Variants in MYO5B observed in about 807,000 individuals in gnomAD.
MYO5B encodes myosin VB, also known as unconventional myosin-Vb.
A neutral mutation model predicts 229.3 loss-of-function variants in MYO5B; 143 were observed. That is an observed-to-expected ratio of 0.62 (90% CI 0.54 to 0.72). MYO5B has a LOEUF of 0.72. Ranked by LOEUF, MYO5B falls within the 30% of genes least tolerant of loss-of-function variation. MYO5B has a pLI of 0.00. For synonymous variants in MYO5B, 918 were observed against 885.2 expected, an observed-to-expected ratio of 1.04 and a Z score of -0.66; for missense variants, 2,321 against 2,331.0, an observed-to-expected ratio of 1.00 and a Z score of 0.09.
At position 49,836,898 on chromosome 18, in the gene MYO5B, T is replaced by C. The variant is rs2023994092; in HGVS notation, c.5139-13A>G. 2.5e-6 allele frequency: 4 copies of C among 1,613,492 alleles called. No individual in the cohort carries two copies. The highest frequency in any genetic ancestry group is 3.4e-6 in the Non-Finnish European group (4 of 1,179,670). On this transcript the variant is annotated splice_polypyrimidine_tract_variant and intron_variant, in intron 37 of 39. Coordinates refer to ENST00000285039, the MANE Select transcript of MYO5B (RefSeq NM_001080467.3). Reference sequence around the variant, plus strand: ...ACTTATATTGTACCTTAGCCATAGGTAGAAAGCAAGCTATGTTAAGCCGGT... The same window carrying C: ...ACTTATATTGTACCTTAGCCATAGGCAGAAAGCAAGCTATGTTAAGCCGGT...
intron 1 of MYO5B, among the ~76,000 whole-genome samples, chr18:50,135,543 A>T (rs373077892): frequency 6.6e-6 from 1 of 152,236 alleles, no homozygotes; most frequent in African/African-American, 2.4e-5. Flanking sequence ...AAGGATTCCA[A>T]GGATGTCCCA....
At chr18:50,006,592 GC>G (rs550376406) in intron 4 of MYO5B, among the ~76,000 whole-genome samples, 1 of 152,016 alleles carries the variant, frequency 6.6e-6, no homozygotes, top group South Asian at 2.1e-4. Flanking sequence ...GTTCACACTG[GC>G]CCCCCCTTCT....
At chr18:50,122,330 G>A (rs147342170) in intron 1 of MYO5B, among the ~76,000 whole-genome samples, 167 of 150,304 alleles carry the variant, frequency 1.1e-3, no homozygotes, top group African/African-American at 4.0e-3. Context: ...GGCCAGGCGT[G>A]GTGGCTCATG....
At chr18:49,987,661 G>A (rs532579697) in intron 7 of MYO5B, among the ~76,000 whole-genome samples, 1 of 152,090 alleles carries the variant, frequency 6.6e-6, no homozygotes, top group Non-Finnish European at 1.5e-5. Flanking sequence ...CATCACCTGG[G>A]GAGGCTATGC....
chr18:49,936,268 C>T lies in MYO5B; in HGVS notation c.1987G>A (p.Glu663Lys), dbSNP rs763668146. The T allele has an allele frequency of 6.9e-6, 11 of 1,598,138 alleles. No homozygotes were observed. The highest frequency in any genetic ancestry group is 2.7e-5 in the African/African-American group (2 of 74,840). Residue 663 changes from glutamate (E) to lysine (K), a missense_variant, in exon 16 of 40, where the codon GAG (glutamate) becomes AAG (lysine). Around this residue, in one of 2 missense-constraint regions of MYO5B, gnomAD observed 2,113 missense variants for 2,044.7 expected, o/e 1.03. Transcript: ENST00000285039. ...GGCACTTACTGAAAGGGGAGCTTCT[C>T]ATCGTTGGGCTTGATGCAGCGGACA... ...HYVRCIKPND[E>K]KLPFHFDPKR...
chr18:50,172,278 C>CA (rs1231520175), intron 1 of MYO5B, among the ~76,000 whole-genome samples: 3 of 23,744 alleles, frequency 1.3e-4, no homozygotes, highest in African/African-American at 3.9e-4. Flanking sequence ...GAGACCCTGA[C>CA]AAAAAAAGAC....
intron 22 of MYO5B, among the ~76,000 whole-genome samples, chr18:49,884,485 G>C (rs2024621999): frequency 6.6e-6 from 1 of 151,888 alleles, no homozygotes; most frequent in East Asian, 1.9e-4. Context: ...GGTGATGGGA[G>C]ACAGTGACAG....
At position 49,864,214 on chromosome 18, in the gene MYO5B, C is replaced by A. The variant is rs778133001; in HGVS notation, c.3770G>T (p.Arg1257Leu). ...CCTGAGGATGAGCACCTCCTCCTTGCGCACCTCGAGCTCCTCGTGGGCCAG... is the reference window on the plus strand; with the variant it reads ...CCTGAGGATGAGCACCTCCTCCTTGAGCACCTCGAGCTCCTCGTGGGCCAG... The part of the protein sequence containing the change: ...LKLAHEELEV[R>L]KEEVLILRTQ... The change falls in exon 28 of 40, where the codon CGC (arginine) becomes CTC (leucine). Residue 1257 changes from arginine (R) to leucine (L), a missense_variant. This residue lies in a region of MYO5B where 2,113 missense variants were observed against 2,044.7 expected (regional missense o/e 1.03). Coordinates refer to ENST00000285039, the MANE Select transcript of MYO5B (RefSeq NM_001080467.3). The A allele has an allele frequency of 3.1e-6, 5 of 1,613,694 alleles. No homozygotes were observed. The highest frequency in any genetic ancestry group is 2.2e-5 in the East Asian group (1 of 44,896).
intron 1 of MYO5B, among the ~76,000 whole-genome samples, chr18:50,144,410 G>A (rs1267694978): frequency 6.6e-6 from 1 of 151,942 alleles, no homozygotes; most frequent in Non-Finnish European, 1.5e-5. Flanking sequence ...CCTTTTTTTG[G>A]TTTGAGCTTG....
intron 27 of MYO5B, among the ~76,000 whole-genome samples, chr18:49,867,333 T>C (rs184863271): frequency 6.6e-6 from 1 of 152,230 alleles, no homozygotes; most frequent in African/African-American, 2.4e-5. Flanking sequence ...TGAGACAAGA[T>C]GGGGTTTCAG....
chr18:49,876,373 C>A lies in MYO5B; in HGVS notation c.3397-546G>T, dbSNP rs77725944. On this transcript the variant is annotated intron_variant, in intron 25 of 39. Transcript: ENST00000285039. ...AGATTTTGTTCCTTTTGGATTCATG[C>A]CTGAGTTTGCCCTCCAGGACTCCAA... The A allele has an allele frequency of 7.1e-3, 1,696 of 239,584 alleles. 47 individuals are homozygous for A. The highest frequency in any genetic ancestry group is 0.037 in the African/African-American group (1,600 of 43,700). 14.8% of individuals were successfully genotyped at this position (239,584 alleles called of 1,614,324 possible).
intron 1 of MYO5B, among the ~76,000 whole-genome samples, chr18:50,114,394 T>C (rs904338579): frequency 6.6e-6 from 1 of 152,180 alleles, no homozygotes; most frequent in Non-Finnish European, 1.5e-5. Context: ...CTCAGCCTAT[T>C]CAAAGCCGCA....
At chr18:49,848,364 G>A (rs2024157096) in intron 32 of MYO5B, among the ~76,000 whole-genome samples, 1 of 152,130 alleles carries the variant, frequency 6.6e-6, no homozygotes, top group Non-Finnish European at 1.5e-5. Context: ...GGGATGAAGG[G>A]CGGGTGGGAC....
chr18:50,185,552 AG>A (rs1568137322), intron 1 of MYO5B, among the ~76,000 whole-genome samples: 1 of 152,260 alleles, frequency 6.6e-6, no homozygotes, highest in Non-Finnish European at 1.5e-5. Context: ...TCTAATGCAA[AG>A]AAATGATAAA....
At chr18:50,128,828 G>A (rs974520776) in intron 1 of MYO5B, among the ~76,000 whole-genome samples, 46 of 152,194 alleles carry the variant, frequency 3.0e-4, no homozygotes, top group African/African-American at 1.0e-3. Context: ...AACATTGGAG[G>A]AGGAAGTGGC....
intron 21 of MYO5B, among the ~76,000 whole-genome samples, chr18:49,900,780 G>C (rs1266357699): frequency 1.3e-5 from 2 of 152,128 alleles, no homozygotes; most frequent in Non-Finnish European, 2.9e-5. Flanking sequence ...GCCTGGTTCT[G>C]TGGCCACCTC....
intron 22 of MYO5B, among the ~76,000 whole-genome samples, chr18:49,882,620 T>A (rs2024599908): frequency 5.0e-5 from 1 of 19,818 alleles, no homozygotes. Flanking sequence ...GATCAAGAAA[T>A]CATCTCAAAA....
chr18:49,974,847 G>A (rs1054713576), intron 9 of MYO5B, among the ~76,000 whole-genome samples: 2 of 93,060 alleles, frequency 2.1e-5, no homozygotes, highest in African/African-American at 6.9e-5. Context: ...GGAGATGACA[G>A]AGCCCATAAG....
intron 22 of MYO5B, among the ~76,000 whole-genome samples, chr18:49,882,552 A>G (rs1473258291): frequency 6.8e-6 from 1 of 146,602 alleles, no homozygotes; most frequent in African/African-American, 2.5e-5. Flanking sequence ...CACTTGAACC[A>G]GGGAGTCAGA....
Sources: allele counts gnomAD v4.1 joint callset (sites outside exome capture counted in the v4.1 genomes callset), GRCh38; gene constraint gnomAD v4.1.1; regional missense constraint gnomAD v4.1.1; transcripts MANE v1.5; gene names NCBI Gene and HGNC (gene_info 2026-07-23, HGNC 2026-07-21).